Variants in MECOM observed in about 807,000 individuals in gnomAD.
MECOM encodes the protein histone-lysine N-methyltransferase MECOM.
Under a neutral mutation model 116.3 loss-of-function variants are expected in MECOM, and 13 were observed. That is an observed-to-expected ratio of 0.11 (90% confidence interval 0.07 to 0.18). The LOEUF (loss-of-function observed/expected upper bound fraction) is 0.18, where lower values mean the gene tolerates loss of function less well. Among genes scored for constraint, MECOM ranks in the 10% least tolerant of loss-of-function variants. The probability of loss-of-function intolerance (pLI) is 1.00; values close to 1 mark genes in which losing one functional copy is unlikely to be tolerated. For synonymous variants in MECOM, 528 were observed against 535.2 expected, an observed-to-expected ratio of 0.99 and a Z score of 0.19; for missense variants, 1,299 against 1,509.0, an observed-to-expected ratio of 0.86 and a Z score of 2.31.
intron 2 of MECOM, among the ~76,000 whole-genome samples, chr3:169,179,530 C>A (rs548045954): frequency 1.3e-5 from 2 of 152,280 alleles, no homozygotes; most frequent in South Asian, 4.1e-4. Flanking sequence ...ACCTCTAAAA[C>A]AATAGGTGGG....
At chr3:169,573,717 C>G (rs888428696) in intron 1 of MECOM, among the ~76,000 whole-genome samples, 1 of 152,056 alleles carries the variant, frequency 6.6e-6, no homozygotes, top group Admixed American at 6.5e-5. Flanking sequence ...CTTCATATCT[C>G]CCAAGGCAAC....
rs1716904892 is a variant in MECOM, at chr3:169,083,893, C to G, written c.*1016G>C. 1 of 221,568 alleles carries G rather than the reference C, an allele frequency of 4.5e-6. No homozygotes were observed. The highest frequency in any genetic ancestry group is 9.0e-6 in the Non-Finnish European group (1 of 110,844). The allele number at this position is 221,568 out of a possible 1,614,324, so 13.7% of individuals were successfully genotyped here. On this transcript the variant is annotated 3_prime_UTR_variant, in exon 17 of 17. Transcript: ENST00000651503. ...TGAATCGATTTCAGTATTACAAAAA[C>G]TAAGTTGCATCTATTCGTATTTAGT...
intron 2 of MECOM, among the ~76,000 whole-genome samples, chr3:169,279,238 C>A (rs994453046): frequency 1.3e-5 from 2 of 152,100 alleles, no homozygotes; most frequent in Non-Finnish European, 2.9e-5. Flanking sequence ...GGCTCCTGAC[C>A]CCAAATCTCA....
Position 169,123,885 on chromosome 3 carries a change from A to T in MECOM, c.831-1158T>A, listed in dbSNP as rs560875291. On this transcript the variant is annotated intron_variant, in intron 5 of 16. Coordinates refer to ENST00000651503, the MANE Select transcript of MECOM (RefSeq NM_004991.4). ...TATTCAAAACACAAACAGAACCCCA[A>T]TGGTCTCCCAAGGAAGATGCAGGAA... Among the ~76,000 whole-genome samples, 6 of 152,200 alleles carry T rather than the reference A, an allele frequency of 3.9e-5. No individual in the cohort carries two copies. The South Asian group carries it at 1.2e-3, about 32-fold the overall frequency.
intron 2 of MECOM, among the ~76,000 whole-genome samples, chr3:169,312,420 G>A (rs1718965045): frequency 6.9e-6 from 1 of 145,614 alleles, no homozygotes; most frequent in South Asian, 2.2e-4. Flanking sequence ...CCAGGCTGGA[G>A]TGCAGTGGCG....
chr3:169,223,731 G>C (rs1202646876), intron 2 of MECOM, among the ~76,000 whole-genome samples: 1 of 152,132 alleles, frequency 6.6e-6, no homozygotes, highest in Non-Finnish European at 1.5e-5. Context: ...GATAGTAATA[G>C]TACTACAATA....
chr3:169,622,341 CT>C (rs1770849002), intron 1 of MECOM, among the ~76,000 whole-genome samples: 2 of 152,102 alleles, frequency 1.3e-5, no homozygotes, highest in African/African-American at 4.8e-5. Flanking sequence ...ATCTGCCCCC[CT>C]AGGCCTCCCA....
intron 2 of MECOM, among the ~76,000 whole-genome samples, chr3:169,240,243 C>T (rs952385847): frequency 1.3e-5 from 2 of 152,078 alleles, no homozygotes; most frequent in Non-Finnish European, 2.9e-5. Context: ...CTCAGTGGCC[C>T]CAGAGCAATT....
At chr3:169,358,802 C>T (rs531964293) in intron 2 of MECOM, among the ~76,000 whole-genome samples, 24 of 151,778 alleles carry the variant, frequency 1.6e-4, no homozygotes, top group East Asian at 5.8e-4. Flanking sequence ...AAGTTAAAAA[C>T]GTAAGTGGCT....
chr3:169,111,443 A>T (rs1293520116), intron 9 of MECOM, among the ~76,000 whole-genome samples: 1 of 152,180 alleles, frequency 6.6e-6, no homozygotes, highest in African/African-American at 2.4e-5. Flanking sequence ...TTTGTACAAT[A>T]TCTGACACAA....
intron 1 of MECOM, among the ~76,000 whole-genome samples, chr3:169,462,203 C>G (rs1235777180): frequency 6.6e-6 from 1 of 152,164 alleles, no homozygotes; most frequent in African/African-American, 2.4e-5. Context: ...CCCCAGCAGA[C>G]AGCAGGGAAA....
At chr3:169,648,047 A>G (rs1774399435) in intron 1 of MECOM, among the ~76,000 whole-genome samples, 1 of 152,236 alleles carries the variant, frequency 6.6e-6, no homozygotes, top group African/African-American at 2.4e-5. Flanking sequence ...AAAACACCAC[A>G]GAGAGCATTT....
At chr3:169,136,391 A>G (rs1736384386) in intron 3 of MECOM, among the ~76,000 whole-genome samples, 1 of 151,218 alleles carries the variant, frequency 6.6e-6, no homozygotes, top group South Asian at 2.1e-4. Context: ...AATTCTTATT[A>G]TATATCATAC....
At chr3:169,158,630 C>T (rs1015466021) in intron 2 of MECOM, among the ~76,000 whole-genome samples, 1 of 152,106 alleles carries the variant, frequency 6.6e-6, no homozygotes, top group African/African-American at 2.4e-5. Flanking sequence ...CTCTGGTGCT[C>T]GGCCGAAGCC....
chr3:169,385,534 G>A (rs1439663222), intron 1 of MECOM, among the ~76,000 whole-genome samples: 3 of 151,962 alleles, frequency 2.0e-5, no homozygotes, highest in Non-Finnish European at 4.4e-5. Context: ...AAACTGCTGA[G>A]TTTTACGTAT....
intron 3 of MECOM, among the ~76,000 whole-genome samples, chr3:169,139,172 T>C (rs1244074188): frequency 1.3e-5 from 2 of 152,140 alleles, no homozygotes; most frequent in Non-Finnish European, 2.9e-5. Context: ...CTGTAACTCA[T>C]TTCTTCAAAA....
intron 2 of MECOM, among the ~76,000 whole-genome samples, chr3:169,354,966 T>C (rs1727008198): frequency 6.6e-6 from 1 of 151,772 alleles, no homozygotes; most frequent in African/African-American, 2.4e-5. Flanking sequence ...TCTGCACAAC[T>C]CTATTTTATT....
chr3:169,195,915 C>T (rs1349951424), intron 2 of MECOM, among the ~76,000 whole-genome samples: 1 of 152,058 alleles, frequency 6.6e-6, no homozygotes, highest in South Asian at 2.1e-4. Flanking sequence ...CAGCTTTGTT[C>T]TGTCACAGAT....
chr3:169,508,480 A>T (rs1287988919), intron 1 of MECOM, among the ~76,000 whole-genome samples: 15 of 151,814 alleles, frequency 9.9e-5, no homozygotes. Flanking sequence ...GGATGTTAAT[A>T]TCTAATACAA....
Sources: gnomAD v4.1 joint callset for allele counts (sites outside exome capture counted in the v4.1 genomes callset) on GRCh38, gnomAD v4.1.1 for gene constraint, MANE v1.5 for transcripts, NCBI Gene and HGNC (gene_info 2026-07-23, HGNC 2026-07-21) for gene names.